The following DIP2C variants were observed in gnomAD, a reference collection of about 807,000 sequenced individuals.
DIP2C encodes DIP2 acetate--CoA ligase C (putative).
In DIP2C, 33 loss-of-function variants were observed where a neutral mutation model predicts 192.4. That is an observed-to-expected ratio of 0.17 (90% CI 0.13 to 0.23). DIP2C has a LOEUF of 0.23. DIP2C is among the 10% of genes least tolerant of loss of function. The pLI, the probability that DIP2C is intolerant of heterozygous loss-of-function variation, is 1.00. For missense variants in DIP2C, 1,537 were observed against 2,110.1 expected, an observed-to-expected ratio of 0.73 and a Z score of 5.32; for synonymous variants, 979 against 864.1, an observed-to-expected ratio of 1.13 and a Z score of -2.33.
intron 1 of DIP2C, among the ~76,000 whole-genome samples, chr10:531,666 G>C (rs543260456): frequency 6.6e-6 from 1 of 152,144 alleles, no homozygotes; most frequent in African/African-American, 2.4e-5. Flanking sequence ...CTACAGTTGT[G>C]TGTAAGGAAT....
At chr10:614,349 C>G (rs1853300233) in intron 1 of DIP2C, among the ~76,000 whole-genome samples, 1 of 152,230 alleles carries the variant, frequency 6.6e-6, no homozygotes, top group Admixed American at 6.5e-5. Flanking sequence ...GTCACCCCAG[C>G]CCCCGCCAGG....
At chr10:326,067 G>A (rs900733112) in intron 31 of DIP2C, among the ~76,000 whole-genome samples, 2 of 152,106 alleles carry the variant, frequency 1.3e-5, no homozygotes, top group Non-Finnish European at 2.9e-5. Flanking sequence ...TGTAGTCCCA[G>A]CCACGTGGGA....
rs1332089205 is a variant in DIP2C at position 651,078 on chromosome 10, T to G, written c.85+38416A>C. ...CCCTGCCACCCCTCCTGCTCTTGTC[T>G]CTCCCACACCTCCCAAACTCTCTCC... is the stretch of plus-strand genomic sequence containing the variant. On this transcript the variant is annotated intron_variant, in intron 1 of 36. Transcript: ENST00000280886. This position sits in a 1 kb window ranked among gnomAD's most constrained non-coding sequence, Gnocchi z 4.1. 2.8e-6 allele frequency: 2 copies of G among 716,894 alleles called. No individual in the cohort carries two copies. Among genetic ancestry groups the G allele is most frequent in the African/African-American group, 3.5e-5 (2 of 57,002 alleles). The allele number at this position is 716,894 out of a possible 1,614,324, so 44.4% of individuals were successfully genotyped here.
intron 31 of DIP2C, among the ~76,000 whole-genome samples, chr10:323,621 G>T (rs533826364): frequency 3.7e-4 from 57 of 152,294 alleles, no homozygotes; most frequent in Non-Finnish European, 5.9e-4. Flanking sequence ...TTGTGTTTTT[G>T]ATTTTTTACA....
chr10:329,651 CTCAGCAAGGCTGGAG>C, intron 29 of DIP2C, 50 bp from the exon 30 acceptor site: 1 of 598,732 alleles, frequency 1.7e-6, no homozygotes, highest in Non-Finnish European at 2.7e-6. Flanking sequence ...AAGGCTGGAG[CTCAGCAAGGCTGGAG>C]GGCTCAGGGC....
chr10:568,799 C>CAA lies in DIP2C; in HGVS notation c.86-82270_86-82269insTT, dbSNP rs922604069. ...AAAAAAAAAAAAAAAAAAAAAAAAACCTTCACTTGATCTGCAAGATGGCTG... is the reference window on the plus strand; with the variant it reads ...AAAAAAAAAAAAAAAAAAAAAAAAACAACTTCACTTGATCTGCAAGATGGCTG... On this transcript the variant is annotated intron_variant, in intron 1 of 36. Coordinates refer to ENST00000280886, the MANE Select transcript of DIP2C (RefSeq NM_014974.3). Among the ~76,000 whole-genome samples the CAA allele has an allele frequency of 3.5e-4, 35 of 98,826 alleles. 2 individuals are homozygous for CAA. The highest frequency in any genetic ancestry group is 1.5e-3 in the African/African-American group (31 of 20,584). 64.8% of individuals were successfully genotyped at this position (98,826 alleles called of 152,430 possible). A position where few individuals can be genotyped will look rare whatever the true frequency, so the allele number is the denominator to read the frequency against.
At chr10:430,892 A>G (rs1350582746) in intron 4 of DIP2C, among the ~76,000 whole-genome samples, 2 of 152,198 alleles carry the variant, frequency 1.3e-5, no homozygotes, top group Non-Finnish European at 2.9e-5. Flanking sequence ...TTTTTTTGAA[A>G]GATGTAAGGT....
chr10:512,795 TC>T (rs1441928218), intron 1 of DIP2C, among the ~76,000 whole-genome samples: 1 of 151,582 alleles, frequency 6.6e-6, no homozygotes, highest in Non-Finnish European at 1.5e-5. Context: ...GTGCCTGTAA[TC>T]CCAGCTACTA....
At chr10:300,302 T>A (rs988514618) in intron 32 of DIP2C, among the ~76,000 whole-genome samples, 7 of 152,178 alleles carry the variant, frequency 4.6e-5, no homozygotes, top group African/African-American at 1.7e-4. Context: ...AAGGAAATAT[T>A]ATTCAATCTT....
chr10:334,078 G>A (rs1298241803), intron 29 of DIP2C, among the ~76,000 whole-genome samples: 2 of 152,056 alleles, frequency 1.3e-5, no homozygotes, highest in Admixed American at 6.5e-5. Context: ...GCTGAAGCGG[G>A]CAGATTACTT....
At chr10:525,118 T>C (rs558821801) in intron 1 of DIP2C, among the ~76,000 whole-genome samples, 4 of 152,166 alleles carry the variant, frequency 2.6e-5, no homozygotes, top group African/African-American at 9.7e-5. Context: ...AAATCTAAAA[T>C]ACAGAAAAGC....
At chr10:396,837 G>GA (rs1554842456) in intron 10 of DIP2C, among the ~76,000 whole-genome samples, 22 of 55,754 alleles carry the variant, frequency 3.9e-4, no homozygotes, top group Non-Finnish European at 2.4e-4. Flanking sequence ...GGGGGGGGGG[G>GA]AAACTGGCTG....
At chr10:490,935 T>C (rs1421589729) in intron 1 of DIP2C, among the ~76,000 whole-genome samples, 1 of 152,232 alleles carries the variant, frequency 6.6e-6, no homozygotes, top group African/African-American at 2.4e-5. Context: ...ATGATGCTTC[T>C]TTCCCTCCCT....
intron 1 of DIP2C, among the ~76,000 whole-genome samples, chr10:509,439 G>A (rs892763963): frequency 2.0e-5 from 3 of 152,158 alleles, no homozygotes; most frequent in Non-Finnish European, 4.4e-5. Context: ...CCCACCCCGA[G>A]GCAGCTCCAG....
At chr10:438,209 C>A (rs182906020) in intron 4 of DIP2C, among the ~76,000 whole-genome samples, 1 of 152,158 alleles carries the variant, frequency 6.6e-6, no homozygotes, top group East Asian at 1.9e-4. Context: ...CACACATGAC[C>A]CAGTAACATC....
chr10:337,735 G>C (rs1589526182), intron 29 of DIP2C, among the ~76,000 whole-genome samples: 1 of 135,028 alleles, frequency 7.4e-6, no homozygotes, highest in African/African-American at 2.8e-5. Flanking sequence ...GTGTGTGTGT[G>C]TTGTGGAGGA....
chr10:674,242 G>T (rs998443543), intron 1 of DIP2C, among the ~76,000 whole-genome samples: 2 of 152,060 alleles, frequency 1.3e-5, no homozygotes, highest in Non-Finnish European at 2.9e-5. Context: ...GACACACATA[G>T]ACTAAACATG....
intron 1 of DIP2C, among the ~76,000 whole-genome samples, chr10:615,914 T>C (rs1326426738): frequency 6.6e-6 from 1 of 152,230 alleles, no homozygotes; most frequent in Admixed American, 6.5e-5. Context: ...CTGATTCCTT[T>C]GTGCCTGTAG....
chr10:419,328 C>A (rs568045500), intron 5 of DIP2C, 129 bp from the exon 6 acceptor site: 2 of 1,321,086 alleles, frequency 1.5e-6, no homozygotes, highest in African/African-American at 1.4e-5. Context: ...AAGCCAGAGC[C>A]GATCTCAGCC....
Sources: gnomAD v4.1 joint callset for allele counts (sites outside exome capture counted in the v4.1 genomes callset) on GRCh38, gnomAD v4.1.1 for gene constraint, Gnocchi (gnomAD v3.1) non-coding constraint, MANE v1.5 for transcripts, NCBI Gene and HGNC (gene_info 2026-07-23, HGNC 2026-07-21) for gene names.